Variants in RABGAP1L observed in about 807,000 individuals in gnomAD.
The protein encoded by RABGAP1L is rab GTPase-activating protein 1-like.
In RABGAP1L, 63 loss-of-function variants were observed where a neutral mutation model predicts 137.7. The observed-to-expected ratio is 0.46, with a 90% CI of 0.37 to 0.56. The LOEUF (loss-of-function observed/expected upper bound fraction) is 0.56, where lower values mean the gene tolerates loss of function less well. Ranked by LOEUF, RABGAP1L falls within the 20% of genes least tolerant of loss-of-function variation. The probability of loss-of-function intolerance (pLI) is 0.00; values close to 1 mark genes in which losing one functional copy is unlikely to be tolerated. For synonymous variants in RABGAP1L, 431 were observed against 433.7 expected (o/e 0.99, Z 0.08); for missense variants, 1,095 against 1,244.0 (o/e 0.88, Z 1.80).
At chr1:174,975,994 A>G (rs1670612450) in intron 21 of RABGAP1L, 84 bp from the exon 22 acceptor site, 1 of 1,262,816 alleles carries the variant, frequency 7.9e-7, no homozygotes, top group African/African-American at 1.5e-5. Flanking sequence ...GCAACTGAAG[A>G]TTGGGTTTGG....
intron 13 of RABGAP1L, chr1:174,548,103 G>A (rs1477365192): frequency 1.3e-6 from 2 of 1,538,038 alleles, no homozygotes; most frequent in Admixed American, 2.0e-5. Context: ...TCTTTGCATG[G>A]GAGGTTGCAG....
rs561207410 is a variant in RABGAP1L, at chr1:174,526,436, C to T, written c.1711-110939C>T. The stretch of plus-strand genomic sequence containing the variant: ...GATTGGTATTAGTTCTTTGTGTGTT[C>T]GGTAGAACTCAGCAGTGAATCTCTC... On this transcript the variant is annotated intron_variant, in intron 13 of 25. Transcript: ENST00000681986. 3.9e-5 allele frequency among the ~76,000 whole-genome samples: 6 copies of T among 152,124 alleles called. No homozygotes were observed. The East Asian group carries it at 7.7e-4, about 20-fold the overall frequency.
intron 19 of RABGAP1L, among the ~76,000 whole-genome samples, chr1:174,925,166 C>T (rs953784178): frequency 6.6e-6 from 1 of 151,766 alleles, no homozygotes; most frequent in Non-Finnish European, 1.5e-5. Flanking sequence ...TAGATTGAGA[C>T]CATCCTGGCT....
chr1:174,521,067 A>G (rs1663335956), intron 13 of RABGAP1L, among the ~76,000 whole-genome samples: 1 of 152,220 alleles, frequency 6.6e-6, no homozygotes, highest in Non-Finnish European at 1.5e-5. Flanking sequence ...TGAAGAACCC[A>G]GGTGGTTCAT....
intron 13 of RABGAP1L, among the ~76,000 whole-genome samples, chr1:174,437,812 C>A (rs930986985): frequency 6.6e-6 from 1 of 152,090 alleles, no homozygotes; most frequent in Admixed American, 6.6e-5. Context: ...TTAAGGGCAG[C>A]CAGAGAGAAA....
At chr1:174,907,744 G>T (rs1659347368) in intron 19 of RABGAP1L, among the ~76,000 whole-genome samples, 1 of 152,034 alleles carries the variant, frequency 6.6e-6, no homozygotes, top group Non-Finnish European at 1.5e-5. Context: ...CTACCTATTA[G>T]GTAGGAAGAA....
At chr1:174,800,303 T>G (rs778898830) in intron 18 of RABGAP1L, 5 of 1,540,866 alleles carry the variant, frequency 3.2e-6, no homozygotes, top group Middle Eastern at 1.7e-4. Context: ...GAGATCCATC[T>G]TTCTCATTCT....
chr1:174,340,671 C>G (rs1681894789), intron 11 of RABGAP1L, among the ~76,000 whole-genome samples: 1 of 152,008 alleles, frequency 6.6e-6, no homozygotes, highest in South Asian at 2.1e-4. Flanking sequence ...TTTAGTCTAT[C>G]TTGATGGGCA....
At chr1:174,401,103 T>A (rs1321639458) in intron 13 of RABGAP1L, among the ~76,000 whole-genome samples, 1 of 152,084 alleles carries the variant, frequency 6.6e-6, no homozygotes, top group African/African-American at 2.4e-5. Flanking sequence ...AGAGCTGTTA[T>A]ATGTAAATCC....
intron 19 of RABGAP1L, among the ~76,000 whole-genome samples, chr1:174,927,191 G>C (rs548659654): frequency 7.9e-5 from 12 of 152,164 alleles, no homozygotes; most frequent in African/African-American, 2.9e-4. Flanking sequence ...GGTTCAGATT[G>C]ATCATTTATG....
chr1:174,621,582 G>A (rs920152883), intron 13 of RABGAP1L, among the ~76,000 whole-genome samples: 1 of 152,140 alleles, frequency 6.6e-6, no homozygotes, highest in Non-Finnish European at 1.5e-5. Flanking sequence ...TGACAAACCT[G>A]AGAAAAACAA....
At chr1:174,384,518 GAAAAAAAGGA>G (rs1042730596) in intron 12 of RABGAP1L, among the ~76,000 whole-genome samples, 6 of 21,894 alleles carry the variant, frequency 2.7e-4, no homozygotes, top group Admixed American at 2.5e-3. Context: ...CAAAAAAAAG[GAAAAAAAGGA>G]AAAAAAAAAA....
intron 19 of RABGAP1L, among the ~76,000 whole-genome samples, chr1:174,843,224 CT>C (rs60814405): frequency 0.15 from 19,871 of 131,092 alleles, 1,784 homozygotes; most frequent in East Asian, 0.32. Context: ...ATGTCACAGT[CT>C]TTTTTTTTTT....
chr1:174,767,407 C>T (rs1452086378), intron 18 of RABGAP1L, among the ~76,000 whole-genome samples: 1 of 152,052 alleles, frequency 6.6e-6, no homozygotes, highest in African/African-American at 2.4e-5. Flanking sequence ...AGTCTTAAAG[C>T]ACTTGAAAAA....
chr1:174,722,210 G>A (rs1681601757), intron 17 of RABGAP1L, among the ~76,000 whole-genome samples: 1 of 152,180 alleles, frequency 6.6e-6, no homozygotes. Flanking sequence ...TTATAGGTGT[G>A]AGCCACCGCG....
chr1:174,737,396 C>A (rs1683046589), intron 17 of RABGAP1L, among the ~76,000 whole-genome samples: 1 of 152,136 alleles, frequency 6.6e-6, no homozygotes, highest in Non-Finnish European at 1.5e-5. Flanking sequence ...GTGACCTTTG[C>A]TCCAGTTCCT....
At chr1:174,383,994 C>G (rs578136520) in intron 12 of RABGAP1L, among the ~76,000 whole-genome samples, 1 of 152,180 alleles carries the variant, frequency 6.6e-6, no homozygotes, top group Non-Finnish European at 1.5e-5. Flanking sequence ...TTATGATAGC[C>G]TTGCTCATAA....
chr1:174,655,700 A>G (rs566980455), intron 14 of RABGAP1L, among the ~76,000 whole-genome samples: 1 of 152,256 alleles, frequency 6.6e-6, no homozygotes, highest in African/African-American at 2.4e-5. Flanking sequence ...TAGTTTATTT[A>G]TATGTTATAT....
chr1:174,836,133 G>T (rs920237276), intron 19 of RABGAP1L, among the ~76,000 whole-genome samples: 1 of 152,152 alleles, frequency 6.6e-6, no homozygotes, highest in African/African-American at 2.4e-5. Context: ...TGATTTCAAG[G>T]TGGTATCAAG....
Sources: gnomAD v4.1 joint callset for allele counts (sites outside exome capture counted in the v4.1 genomes callset) on GRCh38, gnomAD v4.1.1 for gene constraint, MANE v1.5 for transcripts, NCBI Gene and HGNC (gene_info 2026-07-23, HGNC 2026-07-21) for gene names.